Variants in KIAA1328 observed in about 807,000 individuals in gnomAD.
The protein encoded by KIAA1328 is KIAA1328.
Under a neutral mutation model 68.1 loss-of-function variants are expected in KIAA1328, and 52 were observed. That is an observed-to-expected ratio of 0.76 (90% CI 0.61 to 0.96). The LOEUF is 0.96. KIAA1328 is among the 40% of genes least tolerant of loss of function. The pLI is 0.00. For synonymous variants in KIAA1328, 232 were observed against 239.4 expected, an observed-to-expected ratio of 0.97 and a Z score of 0.28; for missense variants, 641 against 677.6, an observed-to-expected ratio of 0.95 and a Z score of 0.60.
intron 9 of KIAA1328, among the ~76,000 whole-genome samples, chr18:37,207,846 A>T (rs1475687454): frequency 1.3e-5 from 2 of 152,150 alleles, no homozygotes; most frequent in Non-Finnish European, 2.9e-5. Context: ...AGTTTCGCTC[A>T]TTGCCCAGGC....
intron 5 of KIAA1328, among the ~76,000 whole-genome samples, chr18:36,928,314 G>A (rs375521025): frequency 2.6e-5 from 4 of 152,234 alleles, no homozygotes; most frequent in African/African-American, 2.4e-5. Context: ...TAAGAGTATG[G>A]ACTCTGGTGT....
intron 7 of KIAA1328, among the ~76,000 whole-genome samples, chr18:37,096,834 G>C (rs1392665625): frequency 3.9e-5 from 6 of 152,134 alleles, no homozygotes; most frequent in East Asian, 1.9e-4. Flanking sequence ...GTGATGATGA[G>C]CATTTTTTCA....
chr18:37,084,308 G>C (rs1032905615), intron 7 of KIAA1328: 20 of 705,604 alleles, frequency 2.8e-5, no homozygotes, highest in Admixed American at 1.5e-4. Flanking sequence ...TACTTTTATA[G>C]CTCTATGTTG....
At chr18:37,185,970 A>G (rs1194968712) in intron 9 of KIAA1328, among the ~76,000 whole-genome samples, 1 of 151,984 alleles carries the variant, frequency 6.6e-6, no homozygotes, top group Non-Finnish European at 1.5e-5. Context: ...GTTTAGTGGC[A>G]TTCTTGATAC....
chr18:36,846,955 C>G (rs1049266832), intron 4 of KIAA1328, among the ~76,000 whole-genome samples: 9 of 151,384 alleles, frequency 5.9e-5, no homozygotes, highest in Non-Finnish European at 1.5e-5. Context: ...TCCCTCTTGC[C>G]CCTAGTAATC....
intron 6 of KIAA1328, among the ~76,000 whole-genome samples, chr18:37,011,356 G>A (rs545720262): frequency 6.6e-6 from 1 of 151,934 alleles, no homozygotes; most frequent in Non-Finnish European, 1.5e-5. Context: ...GGAAAAAAAG[G>A]CTTTGGAGTC....
In KIAA1328 at chr18:36,990,394, G is replaced by A. The variant is rs1452794563; in HGVS notation, c.576+30959G>A. Among the ~76,000 whole-genome samples, 5 of 151,810 alleles carry A rather than the reference G, an allele frequency of 3.3e-5. 1 individual carries two copies. The highest frequency in any genetic ancestry group is 4.2e-4 in the South Asian group (2 of 4,780). On this transcript the variant is annotated intron_variant, in intron 6 of 9. Coordinates refer to ENST00000280020, the MANE Select transcript of KIAA1328 (RefSeq NM_020776.3). ...TATATATACATTAATGTATATTTGA[G>A]CCAGGCATGGTGGCTCATGCCTGTA... is the stretch of plus-strand genomic sequence containing the variant.
chr18:37,178,819 T>G (rs1287771933), intron 9 of KIAA1328, among the ~76,000 whole-genome samples: 1 of 152,224 alleles, frequency 6.6e-6, no homozygotes, highest in Non-Finnish European at 1.5e-5. Flanking sequence ...TGTATTTTCC[T>G]GATGATTATT....
At chr18:37,145,008 G>A (rs1401580306) in intron 7 of KIAA1328, among the ~76,000 whole-genome samples, 2 of 152,194 alleles carry the variant, frequency 1.3e-5, no homozygotes, top group Non-Finnish European at 2.9e-5. Context: ...GCTGAGGTGG[G>A]TGGATGGCTT....
chr18:36,938,972 C>T (rs1238568780), intron 5 of KIAA1328, among the ~76,000 whole-genome samples: 4 of 152,058 alleles, frequency 2.6e-5, no homozygotes, highest in Admixed American at 6.6e-5. Flanking sequence ...ATGCCAGTAC[C>T]GTGCTGTTTT....
Position 36,835,261 on chromosome 18 carries a change from C to G in KIAA1328, c.122C>G (p.Ser41Ter). 6.2e-7 allele frequency: 1 copy of G among 1,612,100 alleles called. No individual in the cohort carries two copies. Among genetic ancestry groups the G allele is most frequent in the Non-Finnish European group, 8.5e-7 (1 of 1,179,104 alleles). The change falls in exon 3 of 10, where the codon TCA (serine) becomes TGA (stop). Residue 41 changes from serine (S) to a stop codon, truncating the protein, a stop_gained. Transcript: ENST00000280020. LOFTEE classifies it high-confidence loss of function. ...ATTTCTGCTGAAGGAAATGTCAGAT[C>G]AAGACACAAGCTGATGAGTCCAAAA... is the stretch of plus-strand genomic sequence containing the variant. ...PGISAEGNVRSRHKLMSPKAD... is the reference protein window; with the variant it reads ...PGISAEGNVR
intron 9 of KIAA1328, among the ~76,000 whole-genome samples, chr18:37,204,032 G>A (rs191204053): frequency 5.0e-4 from 76 of 152,186 alleles, no homozygotes; most frequent in Non-Finnish European, 9.4e-4. Context: ...GGATAGTCTC[G>A]ATCTCCTGAC....
rs147707257 is a variant in KIAA1328, at chr18:37,160,319, C to T, written c.1352C>T (p.Ser451Leu). The T allele has an allele frequency of 3.5e-4, 562 of 1,613,356 alleles. 2 individuals are homozygous for T. In the African/African-American group the frequency reaches 4.5e-3, roughly 13 times the overall value. ...GAGAGGAAGACAGTTGGGTTTCATT[C>T]GCATATGAAAGATGATGCCCAGTGG... ...RKERKTVGFHSHMKDDAQWSC... is the reference protein window; with the variant it reads ...RKERKTVGFHLHMKDDAQWSC... Residue 451 changes from serine to leucine, a missense_variant, in exon 8 of 10, where the codon TCG (serine) becomes TTG (leucine). Coordinates refer to ENST00000280020, the MANE Select transcript of KIAA1328 (RefSeq NM_020776.3).
chr18:37,115,346 A>G (rs930018963), intron 7 of KIAA1328, among the ~76,000 whole-genome samples: 2 of 152,362 alleles, frequency 1.3e-5, no homozygotes, highest in African/African-American at 4.8e-5. Context: ...CCTGGGATGC[A>G]AGGCTGGTTG....
At chr18:37,206,314 G>A (rs2060213735) in intron 9 of KIAA1328, among the ~76,000 whole-genome samples, 1 of 152,198 alleles carries the variant, frequency 6.6e-6, no homozygotes, top group Non-Finnish European at 1.5e-5. Flanking sequence ...ACGGTTTAAG[G>A]TGGTAGGGTT....
At chr18:37,100,457 G>A (rs1298602934) in intron 7 of KIAA1328, among the ~76,000 whole-genome samples, 1 of 152,250 alleles carries the variant, frequency 6.6e-6, no homozygotes, top group African/African-American at 2.4e-5. Flanking sequence ...CTGCAAGCCA[G>A]CAGCAAGGCT....
chr18:36,923,252 A>G (rs1598724755), intron 5 of KIAA1328, among the ~76,000 whole-genome samples: 1 of 152,282 alleles, frequency 6.6e-6, no homozygotes, highest in Non-Finnish European at 1.5e-5. Context: ...CTTTCACCTT[A>G]AACTAGTAAA....
intron 7 of KIAA1328, among the ~76,000 whole-genome samples, chr18:37,101,422 G>T (rs2057612260): frequency 6.6e-6 from 1 of 152,120 alleles, no homozygotes; most frequent in Non-Finnish European, 1.5e-5. Context: ...TATCAGTGAT[G>T]GAAGATCAAA....
chr18:36,834,460 A>G, intron 2 of KIAA1328, 105 bp downstream of exon 2: 1 of 929,554 alleles, frequency 1.1e-6, no homozygotes, highest in Non-Finnish European at 1.5e-6. Context: ...AACTGAATGC[A>G]GAGCAGTACA....
Sources: gnomAD v4.1 joint callset for allele counts (sites outside exome capture counted in the v4.1 genomes callset) on GRCh38, gnomAD v4.1.1 for gene constraint, MANE v1.5 for transcripts, NCBI Gene and HGNC (gene_info 2026-07-23, HGNC 2026-07-21) for gene names.